RORA: variants seen among roughly 807,000 people sequenced by gnomAD.
RORA encodes RAR related orphan receptor A.
In RORA, 7 loss-of-function variants were observed where a neutral mutation model predicts 69.5. That is an observed-to-expected ratio of 0.10 (90% CI 0.06 to 0.19). RORA has a LOEUF of 0.19. Among genes scored for constraint, RORA ranks in the 10% least tolerant of loss-of-function variants. The pLI is 1.00. For missense variants in RORA, 457 were observed against 663.0 expected (o/e 0.69, Z 3.41); for synonymous variants, 261 against 240.8 (o/e 1.08, Z -0.78).
intron 1 of RORA, among the ~76,000 whole-genome samples, chr15:61,032,115 A>T (rs1896202704): frequency 6.6e-6 from 1 of 152,210 alleles, no homozygotes; most frequent in Admixed American, 6.5e-5. Flanking sequence ...CCCATGAAGA[A>T]CACTTCAGTT....
intron 1 of RORA, among the ~76,000 whole-genome samples, chr15:60,944,692 T>TC (rs1374278345): frequency 1.4e-5 from 1 of 69,722 alleles, no homozygotes; most frequent in African/African-American, 6.0e-5. Flanking sequence ...ACCACTGTAC[T>TC]CCAAAAAAAA....
At position 60,503,586 on chromosome 15, in the gene RORA, C is replaced by A. The variant is rs200810944; in HGVS notation, c.1024G>T (p.Asp342Tyr). Residue 342 changes from aspartate (D) to tyrosine (Y), a missense_variant, in exon 7 of 11, where the codon GAT (aspartate) becomes TAT (tyrosine). Asp to Tyr is a radical substitution (Grantham distance 160). Around this residue, in one of 3 missense-constraint regions of RORA, gnomAD observed 304 missense variants for 447.4 expected, o/e 0.68. Coordinates refer to ENST00000335670, the MANE Select transcript of RORA (RefSeq NM_134261.3). ...TTTTGACACAGTTCCATAAATCCAT[C>A]AATGCGTTTGGCAAACTCCACCACA... ...QYVVEFAKRIDGFMELCQNDQ... is the reference protein window; with the variant it reads ...QYVVEFAKRIYGFMELCQNDQ... 6.2e-7 allele frequency: 1 copy of A among 1,614,172 alleles called. No individual in the cohort carries two copies. Among genetic ancestry groups the A allele is most frequent in the Non-Finnish European group, 8.5e-7 (1 of 1,180,010 alleles).
At chr15:60,861,636 G>A (rs1348853835) in intron 1 of RORA, among the ~76,000 whole-genome samples, 2 of 152,254 alleles carry the variant, frequency 1.3e-5, no homozygotes, top group African/African-American at 2.4e-5. Context: ...CTACAGGTGC[G>A]AGCCACCATG....
At chr15:60,606,391 T>C (rs1282622257) in intron 2 of RORA, among the ~76,000 whole-genome samples, 1 of 152,228 alleles carries the variant, frequency 6.6e-6, no homozygotes, top group Non-Finnish European at 1.5e-5. Context: ...CGAAGAGTTC[T>C]ATTTTCAGCT....
At chr15:60,988,786 G>A (rs1009787359) in intron 1 of RORA, among the ~76,000 whole-genome samples, 1 of 152,118 alleles carries the variant, frequency 6.6e-6, no homozygotes, top group East Asian at 1.9e-4. Flanking sequence ...GGCTGACCTA[G>A]ATTTATCTAC....
chr15:61,052,273 G>C (rs1244094229), intron 1 of RORA, among the ~76,000 whole-genome samples: 1 of 152,094 alleles, frequency 6.6e-6, no homozygotes, highest in East Asian at 1.9e-4. Flanking sequence ...GAAAAACTCT[G>C]GTGAAATTAT....
intron 1 of RORA, among the ~76,000 whole-genome samples, chr15:60,878,829 A>G (rs534598786): frequency 2.1e-4 from 32 of 152,340 alleles, no homozygotes; most frequent in Non-Finnish European, 2.6e-4. Flanking sequence ...AATTCCCATT[A>G]GGTAGGCCTC....
At chr15:60,530,875 C>G (rs1428871588) in intron 3 of RORA, 1 of 152,208 alleles carries the variant, frequency 6.6e-6, no homozygotes, top group Non-Finnish European at 1.5e-5. Context: ...AGCTTCTCTC[C>G]TGTTTATTTT....
At position 61,175,619 on chromosome 15, in the gene RORA, G is replaced by A. The variant is rs542134942; in HGVS notation, c.166+53434C>T. Among the ~76,000 whole-genome samples, 12 of 38,960 alleles carry A rather than the reference G, an allele frequency of 3.1e-4. No homozygotes were observed. The South Asian group carries it at 6.9e-3, about 22-fold the overall frequency. 25.6% of individuals were successfully genotyped at this position (38,960 alleles called of 152,430 possible). On this transcript the variant is annotated intron_variant, in intron 1 of 10. Transcript: ENST00000335670. ...AGCTACTTGGAAGGGCTGATGTGGG[G>A]GCGTGGGGGATTGCTTGAGCCCGGG...
intron 1 of RORA, among the ~76,000 whole-genome samples, chr15:60,861,435 C>T (rs1855359044): frequency 6.6e-6 from 1 of 152,090 alleles, no homozygotes; most frequent in Non-Finnish European, 1.5e-5. Context: ...GGTGGCTCAC[C>T]AGTGTGGCAT....
At chr15:61,189,257 T>C (rs186897722) in intron 1 of RORA, among the ~76,000 whole-genome samples, 10 of 152,296 alleles carry the variant, frequency 6.6e-5, no homozygotes, top group Admixed American at 5.2e-4. Flanking sequence ...AAAATGAACA[T>C]GAGATGATCT....
At chr15:60,727,795 G>A (rs2071380015) in intron 1 of RORA, among the ~76,000 whole-genome samples, 1 of 152,144 alleles carries the variant, frequency 6.6e-6, no homozygotes, top group Non-Finnish European at 1.5e-5. Context: ...GAGATCCCTG[G>A]GGAGATAGTT....
chr15:60,839,038 G>A (rs931535411), intron 1 of RORA, among the ~76,000 whole-genome samples: 4 of 151,802 alleles, frequency 2.6e-5, no homozygotes, highest in Admixed American at 6.6e-5. Flanking sequence ...ACAGGCGCCC[G>A]CCACCACACC....
chr15:61,041,491 A>G (rs1163985693), intron 1 of RORA, among the ~76,000 whole-genome samples: 4 of 152,184 alleles, frequency 2.6e-5, no homozygotes, highest in African/African-American at 7.2e-5. Flanking sequence ...TTCATATTTT[A>G]TCTCATTTGA....
chr15:60,555,799 G>A (rs1329966923), intron 2 of RORA, among the ~76,000 whole-genome samples: 2 of 151,890 alleles, frequency 1.3e-5, no homozygotes, highest in Non-Finnish European at 2.9e-5. Context: ...CATCTGTTGA[G>A]CAAAATGACT....
intron 2 of RORA, among the ~76,000 whole-genome samples, chr15:60,659,223 G>C (rs2070266948): frequency 6.6e-6 from 1 of 152,214 alleles, no homozygotes. Context: ...TTGTTAATGA[G>C]TATTTTAAAG....
chr15:60,965,254 C>T (rs1004288124), intron 1 of RORA, among the ~76,000 whole-genome samples: 1 of 152,128 alleles, frequency 6.6e-6, no homozygotes, highest in Non-Finnish European at 1.5e-5. Flanking sequence ...AGCTCATGGT[C>T]CACCCTTCCT....
intron 2 of RORA, among the ~76,000 whole-genome samples, chr15:60,644,995 C>T (rs2070012478): frequency 6.6e-6 from 1 of 152,142 alleles, no homozygotes. Flanking sequence ...ACTGAGTCAT[C>T]TATAGAATAA....
intron 1 of RORA, among the ~76,000 whole-genome samples, chr15:60,988,361 G>A (rs1480619149): frequency 1.3e-5 from 2 of 152,154 alleles, no homozygotes; most frequent in Non-Finnish European, 2.9e-5. Context: ...TAGCCAGGAA[G>A]TCACATTTGA....
Sources: allele counts gnomAD v4.1 joint callset (sites outside exome capture counted in the v4.1 genomes callset), GRCh38; gene constraint gnomAD v4.1.1; regional missense constraint gnomAD v4.1.1; transcripts MANE v1.5; gene names NCBI Gene and HGNC (gene_info 2026-07-23, HGNC 2026-07-21).